Variants in RSRC1 observed in about 807,000 individuals in gnomAD.
RSRC1 encodes serine/Arginine-related protein 53.
Under a neutral mutation model 49.1 loss-of-function variants are expected in RSRC1, and 39 were observed. That is an observed-to-expected ratio of 0.79 (90% CI 0.61 to 1.04). The LOEUF is 1.04. Among genes scored for constraint, RSRC1 ranks in the 50% least tolerant of loss-of-function variants. The pLI, the probability that RSRC1 is intolerant of heterozygous loss-of-function variation, is 0.00. For synonymous variants in RSRC1, 143 were observed against 130.8 expected, an observed-to-expected ratio of 1.09 and a Z score of -0.63; for missense variants, 388 against 402.4, an observed-to-expected ratio of 0.96 and a Z score of 0.31.
At chr3:158,157,617 T>G (rs1047751375) in intron 3 of RSRC1, among the ~76,000 whole-genome samples, 13 of 152,166 alleles carry the variant, frequency 8.5e-5, no homozygotes, top group African/African-American at 3.1e-4. Flanking sequence ...CTCTGTAGAT[T>G]GTCTTTCCCA....
At chr3:158,144,478 G>A (rs538733464) in intron 3 of RSRC1, among the ~76,000 whole-genome samples, 5 of 152,122 alleles carry the variant, frequency 3.3e-5, no homozygotes, top group East Asian at 1.9e-4. Context: ...CATTTTTTAC[G>A]GCTGCATAGT....
In RSRC1 at chr3:158,421,697, G is replaced by T. The variant is rs565686560; in HGVS notation, c.584-39238G>T. Among the ~76,000 whole-genome samples, 10 of 151,876 alleles carry T rather than the reference G, an allele frequency of 6.6e-5. No individual in the cohort carries two copies. In the East Asian group the frequency reaches 2.0e-3, roughly 30 times the overall value. ...AACTATAAAATAAATATGTTAAAAT[G>T]ATTCAAGGCATAAAAGAAGAAATAG... On this transcript the variant is annotated intron_variant, in intron 6 of 9. Transcript: ENST00000611884.
chr3:158,118,462 T>TGTGTGTGTGTGCGTGC (rs1491469875), intron 1 of RSRC1, among the ~76,000 whole-genome samples: 1 of 124,682 alleles, frequency 8.0e-6, no homozygotes, highest in Non-Finnish European at 1.6e-5. Context: ...TGTGTGTGTG[T>TGTGTGTGTGTGCGTGC]GCGCGTGCGC....
chr3:158,198,301 C>G (rs545718562), intron 3 of RSRC1, among the ~76,000 whole-genome samples: 3 of 152,236 alleles, frequency 2.0e-5, no homozygotes, highest in South Asian at 4.1e-4. Flanking sequence ...TTATCAGAGA[C>G]TAGGATTGCA....
chr3:158,401,357 A>G (rs1218452697), intron 6 of RSRC1, among the ~76,000 whole-genome samples: 1 of 152,022 alleles, frequency 6.6e-6, no homozygotes, highest in Non-Finnish European at 1.5e-5. Context: ...CTGCTAGTGT[A>G]ATCTGTTTTT....
chr3:158,423,438 C>A (rs1322028666), intron 6 of RSRC1, among the ~76,000 whole-genome samples: 1 of 151,942 alleles, frequency 6.6e-6, no homozygotes, highest in African/African-American at 2.4e-5. Flanking sequence ...TGATCTATAT[C>A]TCTGTTTTGG....
chr3:158,363,330 C>G (rs1026397561), intron 6 of RSRC1, among the ~76,000 whole-genome samples: 2 of 150,416 alleles, frequency 1.3e-5, no homozygotes, highest in African/African-American at 4.9e-5. Flanking sequence ...GTGGCACAAG[C>G]TCGGCTCACC....
intron 4 of RSRC1, among the ~76,000 whole-genome samples, chr3:158,281,159 GA>G (rs1374350141): frequency 6.6e-6 from 1 of 152,132 alleles, no homozygotes; most frequent in African/African-American, 2.4e-5. Context: ...CTAACTGATA[GA>G]TTGTATTTGT....
chr3:158,154,648 A>G (rs1186745721), intron 3 of RSRC1, among the ~76,000 whole-genome samples: 1 of 151,978 alleles, frequency 6.6e-6, no homozygotes, highest in Non-Finnish European at 1.5e-5. Context: ...TATTTTTAGT[A>G]GAGACAGGTT....
chr3:158,302,014 A>T (rs1435256430), intron 5 of RSRC1, among the ~76,000 whole-genome samples: 1 of 141,452 alleles, frequency 7.1e-6, no homozygotes, highest in Admixed American at 7.0e-5. Flanking sequence ...GTTGTTGTTA[A>T]ACTGTGTGTG....
chr3:158,270,073 G>A (rs1002032390), intron 4 of RSRC1, among the ~76,000 whole-genome samples: 1 of 152,096 alleles, frequency 6.6e-6, no homozygotes, highest in African/African-American at 2.4e-5. Context: ...CTGCATACAT[G>A]ATTCAAGACA....
chr3:158,497,441 ATT>A (rs537452822), intron 7 of RSRC1, among the ~76,000 whole-genome samples: 3 of 118,576 alleles, frequency 2.5e-5, no homozygotes, highest in African/African-American at 3.2e-5. Flanking sequence ...CCATTGTATC[ATT>A]TTTTTTTTTT....
chr3:158,286,075 A>G (rs972235955), intron 4 of RSRC1, among the ~76,000 whole-genome samples: 1 of 152,158 alleles, frequency 6.6e-6, no homozygotes, highest in African/African-American at 2.4e-5. Flanking sequence ...TGTTTTGTGA[A>G]TATTGTAAGA....
At chr3:158,160,588 G>T (rs1309855997) in intron 3 of RSRC1, among the ~76,000 whole-genome samples, 1 of 152,050 alleles carries the variant, frequency 6.6e-6, no homozygotes, top group Admixed American at 6.6e-5. Flanking sequence ...AGTAAGATCC[G>T]AGAGAAAGGG....
At chr3:158,358,112 A>AT (rs2108244924) in intron 6 of RSRC1, among the ~76,000 whole-genome samples, 1 of 152,346 alleles carries the variant, frequency 6.6e-6, no homozygotes, top group South Asian at 2.1e-4. Context: ...CTAAAATAAG[A>AT]TTTAAAAAAA....
chr3:158,504,158 G>T (rs62287871), intron 7 of RSRC1, among the ~76,000 whole-genome samples: 16,038 of 152,170 alleles, frequency 0.11, 984 homozygotes, highest in African/African-American at 0.18. Flanking sequence ...TCCAGTGGGG[G>T]TGTGTGTTCG....
At chr3:158,314,623 C>A (rs893514886) in intron 5 of RSRC1, among the ~76,000 whole-genome samples, 1 of 152,076 alleles carries the variant, frequency 6.6e-6, no homozygotes, top group Admixed American at 6.6e-5. Context: ...GAAAATGTGT[C>A]ATGAGGGTAG....
At chr3:158,436,466 G>C (rs1736047239) in intron 6 of RSRC1, among the ~76,000 whole-genome samples, 2 of 152,046 alleles carry the variant, frequency 1.3e-5, no homozygotes, top group Non-Finnish European at 2.9e-5. Context: ...GCAGTAGTCT[G>C]CTTAAAAGTA....
intron 7 of RSRC1, among the ~76,000 whole-genome samples, chr3:158,527,160 G>T (rs1712093920): frequency 7.0e-6 from 1 of 143,832 alleles, no homozygotes; most frequent in African/African-American, 2.6e-5. Context: ...GCCCCATGGT[G>T]TTAGGGGTAG....
Sources: allele counts gnomAD v4.1 joint callset (sites outside exome capture counted in the v4.1 genomes callset), GRCh38; gene constraint gnomAD v4.1.1; transcripts MANE v1.5; gene names NCBI Gene and HGNC (gene_info 2026-07-23, HGNC 2026-07-21).